The following POGZ variants were observed in gnomAD, a reference collection of about 807,000 sequenced individuals.
POGZ encodes pogo transposable element with ZNF domain.
POGZ carries 17 observed loss-of-function variants against 134.6 expected under a neutral mutation model. The ratio of observed to expected loss-of-function variants is 0.13; its 90% CI spans 0.09 to 0.19. POGZ has a LOEUF of 0.19. Among genes scored for constraint, POGZ ranks in the 10% least tolerant of loss-of-function variants. The probability of loss-of-function intolerance (pLI) is 1.00; values close to 1 mark genes in which losing one functional copy is unlikely to be tolerated. For missense variants in POGZ, 1,306 were observed against 1,769.7 expected (o/e 0.74, Z 4.70); for synonymous variants, 693 against 657.1 (o/e 1.05, Z -0.84).
At position 151,405,740 on chromosome 1, in the gene POGZ, C is replaced by T. The variant is rs1653476967; in HGVS notation, c.3295G>A (p.Glu1099Lys). The T allele has an allele frequency of 6.2e-7, 1 of 1,614,218 alleles. No homozygotes were observed. Among genetic ancestry groups the T allele is most frequent in the Non-Finnish European group, 8.5e-7 (1 of 1,180,034 alleles). The change falls in exon 19 of 19, where the codon GAG becomes AAG. Residue 1099 changes from glutamate (E) to lysine (K), a missense_variant. By Grantham distance (56) the Glu-to-Lys change is moderately conservative (BLOSUM62 1). Coordinates refer to ENST00000271715, the MANE Select transcript of POGZ (RefSeq NM_015100.4). The surrounding 1 kb of genome is among the most constrained non-coding windows in gnomAD (Gnocchi z 4.9). ...AAATCAATGAAGAGTCCTGCATTCTCTGCTACATCCTTAGGTAGGGTGTGG... is the reference window on the plus strand; with the variant it reads ...AAATCAATGAAGAGTCCTGCATTCTTTGCTACATCCTTAGGTAGGGTGTGG... ...VAHTLPKDVA[E>K]NAGLFIDFVQ...
At chr1:151,413,097 C>A (rs1314767223) in intron 10 of POGZ, among the ~76,000 whole-genome samples, 5 of 139,366 alleles carry the variant, frequency 3.6e-5, no homozygotes, top group Non-Finnish European at 7.6e-5. Flanking sequence ...AGCCACCGTG[C>A]CTGGGCTTTT....
In POGZ at chr1:151,405,060, C is replaced by T. The variant is rs200125187; in HGVS notation, c.3975G>A (p.Val1325=). 3 of 1,614,204 alleles carry T rather than the reference C, an allele frequency of 1.9e-6. No individual in the cohort carries two copies. The highest frequency in any genetic ancestry group is 4.5e-5 in the East Asian group (2 of 44,882). The change falls in exon 19 of 19, where the codon GTG becomes GTA. Residue 1325 remains valine, a synonymous_variant. Coordinates refer to ENST00000271715, the MANE Select transcript of POGZ (RefSeq NM_015100.4). This position sits in a 1 kb window ranked among gnomAD's most constrained non-coding sequence, Gnocchi z 4.9. Reference sequence around the variant, plus strand: ...CATCGGGGCCAGGCAGAACACTAGCCACCAGGAAGGAGCGCTGAACTAGCT... The same window carrying T: ...CATCGGGGCCAGGCAGAACACTAGCTACCAGGAAGGAGCGCTGAACTAGCT... The part of the protein sequence containing the change: ...CPELVQRSFL[V]ASVLPGPDGN...
Position 151,403,559 on chromosome 1 carries a change from TA to T in POGZ, c.*1242del. On this transcript the variant is annotated 3_prime_UTR_variant, in exon 19 of 19. Transcript: ENST00000271715. ...GTTTACAACCATGAGTACATACAAT[TA>T]AAAAAATCCCTCATGCAAATTGTAG... The T allele has an allele frequency of 2.0e-6, 2 of 985,588 alleles. No individual in the cohort carries two copies. The highest frequency in any genetic ancestry group is 3.5e-5 in the African/African-American group (2 of 57,348). The allele number at this position is 985,588 out of a possible 1,614,324, so 61.1% of individuals were successfully genotyped here.
In POGZ at chr1:151,406,343, C is replaced by T. The variant is rs1410898248; in HGVS notation, c.2692G>A (p.Glu898Lys). Residue 898 changes from glutamate to lysine, a missense_variant, in exon 19 of 19, where the codon GAA (glutamate) becomes AAA (lysine). Around this residue, in one of 10 missense-constraint regions of POGZ, gnomAD observed 214 missense variants for 255.5 expected, o/e 0.84. Transcript: ENST00000271715. ...GGGGCTAAGGGAGTTAGTAGCTCTTCAGGCTCAGCTGGGGTGGCCCCCGCA... is the reference window on the plus strand; with the variant it reads ...GGGGCTAAGGGAGTTAGTAGCTCTTTAGGCTCAGCTGGGGTGGCCCCCGCA... ...KSAGATPAEP[E>K]ELLTPLAPAL... The T allele has an allele frequency of 1.2e-6, 2 of 1,604,922 alleles. No homozygotes were observed. The highest frequency in any genetic ancestry group is 1.3e-5 in the African/African-American group (1 of 74,758).
At chr1:151,446,798 G>A (rs1661343360) in intron 1 of POGZ, among the ~76,000 whole-genome samples, 1 of 147,268 alleles carries the variant, frequency 6.8e-6, no homozygotes, top group Non-Finnish European at 1.5e-5. Flanking sequence ...TGGATGGGCA[G>A]TAAATTTGGG....
chr1:151,411,573 G>A (rs1472197594), intron 12 of POGZ, 52 bp downstream of exon 12: 6 of 1,295,092 alleles, frequency 4.6e-6, no homozygotes, highest in African/African-American at 3.0e-5. Flanking sequence ...CAGCATCCAT[G>A]TTTAAAAAAA....
At chr1:151,410,498 G>C (rs1557876749) in intron 12 of POGZ, among the ~76,000 whole-genome samples, 1 of 152,094 alleles carries the variant, frequency 6.6e-6, no homozygotes. Flanking sequence ...GTTTCCTTAA[G>C]GTTAAGACTC....
rs974905610 is a variant in POGZ at position 151,428,035 on chromosome 1, G to A, written c.866C>T (p.Ser289Phe). The change falls in exon 7 of 19, where the codon TCC becomes TTC. Residue 289 changes from serine (S) to phenylalanine (F), a missense_variant. This residue lies in a region of POGZ where 541 missense variants were observed against 680.5 expected (regional missense o/e 0.80). Coordinates refer to ENST00000271715, the MANE Select transcript of POGZ (RefSeq NM_015100.4). ...GCTCACTGCAGGTGGAGAGGGGAAG[G>A]AGGGAGCTACGGTGACCAAGTGATA... is the stretch of plus-strand genomic sequence containing the variant. Reference protein sequence around the residue: ...NQTTNPKLAPSFPSPPAVSIA... With the variant: ...NQTTNPKLAPFFPSPPAVSIA... 1.2e-6 allele frequency: 2 copies of A among 1,614,230 alleles called. No homozygotes were observed. The highest frequency in any genetic ancestry group is 4.5e-5 in the East Asian group (2 of 44,890).
intron 10 of POGZ, among the ~76,000 whole-genome samples, chr1:151,422,146 T>C (rs1657021770): frequency 6.6e-6 from 1 of 152,226 alleles, no homozygotes; most frequent in African/African-American, 2.4e-5. Context: ...CATGCTGTTT[T>C]CAATCACCTA....
In POGZ at chr1:151,403,210, AAAC is replaced by A. The variant is rs750686782; in HGVS notation, c.*1589_*1591del. On this transcript the variant is annotated 3_prime_UTR_variant, in exon 19 of 19. Coordinates refer to ENST00000271715, the MANE Select transcript of POGZ (RefSeq NM_015100.4). ...ATAGTGTGCTGGGGGATGAAAAAACAAACAAACAAAAAAGCAGGGTGGGGTGGG... is the reference window on the plus strand; with the variant it reads ...ATAGTGTGCTGGGGGATGAAAAAACAAAACAAAAAAGCAGGGTGGGGTGGG... The A allele has an allele frequency of 2.8e-5, 28 of 985,530 alleles. No individual in the cohort carries two copies. Among genetic ancestry groups the A allele is most frequent in the Non-Finnish European group, 3.3e-5 (27 of 829,798 alleles). The allele number at this position is 985,530 out of a possible 1,614,324, so 61.0% of individuals were successfully genotyped here.
chr1:151,458,902 C>T (rs1271820230), intron 1 of POGZ, among the ~76,000 whole-genome samples: 1 of 143,228 alleles, frequency 7.0e-6, no homozygotes, highest in Non-Finnish European at 1.5e-5. Flanking sequence ...TCGCGCGGCT[C>T]CCGCGGCCCG....
At chr1:151,437,808 T>A (rs1204184594) in intron 3 of POGZ, among the ~76,000 whole-genome samples, 1 of 152,188 alleles carries the variant, frequency 6.6e-6, no homozygotes, top group Non-Finnish European at 1.5e-5. Flanking sequence ...GCAGATAATA[T>A]ATCAATACAA....
chr1:151,419,407 T>G (rs918350821), intron 10 of POGZ, among the ~76,000 whole-genome samples: 1 of 151,476 alleles, frequency 6.6e-6, no homozygotes, highest in African/African-American at 2.4e-5. Context: ...CACAGCACTT[T>G]GAGGCTGAGG....
At chr1:151,443,917 C>A (rs1468418501) in intron 1 of POGZ, among the ~76,000 whole-genome samples, 9 of 152,118 alleles carry the variant, frequency 5.9e-5, no homozygotes, top group African/African-American at 2.2e-4. Context: ...CTTAGTAATT[C>A]TGCTGCTACA....
At chr1:151,458,294 G>A (rs1057139959) in intron 1 of POGZ, among the ~76,000 whole-genome samples, 1 of 151,870 alleles carries the variant, frequency 6.6e-6, no homozygotes, top group Non-Finnish European at 1.5e-5. Flanking sequence ...TAGTCCCCGG[G>A]ATAAACATGG....
At chr1:151,423,375 G>GT in intron 10 of POGZ, 22 bp downstream of exon 10, 1 of 1,607,530 alleles carries the variant, frequency 6.2e-7, no homozygotes, top group Non-Finnish European at 8.5e-7. Context: ...TTCCCCTTGA[G>GT]TTTAAGAGTT....
At chr1:151,413,954 G>C (rs1655173976) in intron 10 of POGZ, among the ~76,000 whole-genome samples, 2 of 152,196 alleles carry the variant, frequency 1.3e-5, no homozygotes, top group Non-Finnish European at 2.9e-5. Context: ...ATTTGCAAAA[G>C]AGTAAAATGT....
At chr1:151,414,015 G>T (rs969478939) in intron 10 of POGZ, among the ~76,000 whole-genome samples, 3 of 152,124 alleles carry the variant, frequency 2.0e-5, no homozygotes, top group Non-Finnish European at 4.4e-5. Context: ...TCTCAAAGAG[G>T]TCTGCAACTC....
chr1:151,412,127 T>C (rs915577803), intron 11 of POGZ, among the ~76,000 whole-genome samples, 169 bp downstream of exon 11: 24 of 152,232 alleles, frequency 1.6e-4, no homozygotes, highest in Non-Finnish European at 1.0e-4. Context: ...TATGTTTTTC[T>C]CCTGCATGGA....
Sources: gnomAD v4.1 joint callset for allele counts (sites outside exome capture counted in the v4.1 genomes callset) on GRCh38, gnomAD v4.1.1 for gene constraint, gnomAD v4.1.1 regional missense constraint, Gnocchi (gnomAD v3.1) non-coding constraint, MANE v1.5 for transcripts, NCBI Gene and HGNC (gene_info 2026-07-23, HGNC 2026-07-21) for gene names.